Variants in MAF observed in about 807,000 individuals in gnomAD.
The protein encoded by MAF is MAF bZIP transcription factor.
In MAF, 10 loss-of-function variants were observed where a neutral mutation model predicts 22.0. That is an observed-to-expected ratio of 0.45 (90% CI 0.28 to 0.77). The LOEUF (loss-of-function observed/expected upper bound fraction) is 0.77, where lower values mean the gene tolerates loss of function less well. Ranked by LOEUF, MAF falls within the 30% of genes least tolerant of loss-of-function variation. The probability of loss-of-function intolerance (pLI) is 0.12; values close to 1 mark genes in which losing one functional copy is unlikely to be tolerated. For synonymous variants in MAF, 337 were observed against 255.8 expected (o/e 1.32, Z -3.03); for missense variants, 544 against 548.4 (o/e 0.99, Z 0.08).
At chr16:79,267,596 G>T in the MAF span, among the ~76,000 whole-genome samples, 1 of 152,022 alleles carries the variant, frequency 6.6e-6, no homozygotes, top group African/African-American at 2.4e-5. Flanking sequence ...ACAGTGCAGA[G>T]GCACTACCTC....
chr16:79,381,105 T>C, the MAF span, among the ~76,000 whole-genome samples: 1 of 152,228 alleles, frequency 6.6e-6, no homozygotes, highest in Non-Finnish European at 1.5e-5. Context: ...CACGCTAACC[T>C]TTGCATTCAT....
At chr16:79,503,991 A>G in the MAF span, among the ~76,000 whole-genome samples, 1 of 152,188 alleles carries the variant, frequency 6.6e-6, no homozygotes, top group Non-Finnish European at 1.5e-5. Context: ...GTTACATTGC[A>G]GGGGCTCAGT....
the MAF span, among the ~76,000 whole-genome samples, chr16:79,362,432 G>C: frequency 6.6e-6 from 1 of 152,136 alleles, no homozygotes; most frequent in African/African-American, 2.4e-5. Context: ...TGTTGTTGCT[G>C]AGAAGGTTAA....
the MAF span, among the ~76,000 whole-genome samples, chr16:79,361,254 T>G: frequency 2.0e-5 from 3 of 152,168 alleles, no homozygotes; most frequent in Non-Finnish European, 2.9e-5. Flanking sequence ...CCACATGGGT[T>G]GTCATTTAAC....
chr16:79,245,047 A>G, the MAF span, among the ~76,000 whole-genome samples: 2 of 151,990 alleles, frequency 1.3e-5, no homozygotes, highest in African/African-American at 4.8e-5. Flanking sequence ...CCTTCCTTAC[A>G]CTCTATACAA....
chr16:79,427,371 C>T, the MAF span, among the ~76,000 whole-genome samples: 22 of 152,340 alleles, frequency 1.4e-4, no homozygotes, highest in East Asian at 4.1e-3. Context: ...TATGCTGCTA[C>T]ATCAACAGGG....
the MAF span, among the ~76,000 whole-genome samples, chr16:79,231,139 A>T: frequency 6.6e-6 from 1 of 152,052 alleles, no homozygotes; most frequent in Admixed American, 6.6e-5. Flanking sequence ...GACAGCCACG[A>T]TACTGTCTCC....
the MAF span, among the ~76,000 whole-genome samples, chr16:79,260,841 A>AG: frequency 1.3e-5 from 2 of 152,222 alleles, no homozygotes; most frequent in African/African-American, 4.8e-5. Context: ...ATTAAAAAAA[A>AG]AAAAGTTGAG....
chr16:79,429,988 C>T, the MAF span, among the ~76,000 whole-genome samples: 1 of 152,102 alleles, frequency 6.6e-6, no homozygotes, highest in African/African-American at 2.4e-5. Context: ...TAGATCCTAC[C>T]GACATCTTCT....
the MAF span, among the ~76,000 whole-genome samples, chr16:79,565,561 C>T: frequency 2.6e-5 from 4 of 151,988 alleles, no homozygotes; most frequent in East Asian, 1.9e-4. Flanking sequence ...TACCTCCATG[C>T]TGTTCTTGTG....
chr16:79,225,737 T>G, the MAF span, among the ~76,000 whole-genome samples: 1,478 of 152,254 alleles, frequency 9.7e-3, 8 homozygotes, highest in South Asian at 0.034. Flanking sequence ...CAGACACTTC[T>G]CAAAAGAAGA....
chr16:79,230,456 G>A, the MAF span, among the ~76,000 whole-genome samples: 7 of 152,160 alleles, frequency 4.6e-5, no homozygotes, highest in African/African-American at 1.2e-4. Context: ...GCCCTTGCCC[G>A]GGTGGGCGGT....
At chr16:79,479,776 G>A in the MAF span, among the ~76,000 whole-genome samples, 2 of 152,206 alleles carry the variant, frequency 1.3e-5, no homozygotes, top group Admixed American at 1.3e-4. Flanking sequence ...CTATATCCAT[G>A]CTTTAATTCT....
the MAF span, among the ~76,000 whole-genome samples, chr16:79,265,699 T>C: frequency 6.6e-6 from 1 of 152,242 alleles, no homozygotes; most frequent in South Asian, 2.1e-4. Context: ...CCACAGATCT[T>C]AGCAATCTCA....
the MAF span, among the ~76,000 whole-genome samples, chr16:79,322,789 G>A: frequency 6.6e-6 from 1 of 152,098 alleles, no homozygotes; most frequent in Middle Eastern, 3.4e-3. Context: ...AAAGGAGTAG[G>A]AATGTCACCC....
At chr16:79,483,340 G>GA in the MAF span, among the ~76,000 whole-genome samples, 2 of 143,734 alleles carry the variant, frequency 1.4e-5, no homozygotes, top group East Asian at 4.2e-4. Context: ...AGGAAATAGG[G>GA]ATACAATGGC....
chr16:79,544,592 G>T, the MAF span, among the ~76,000 whole-genome samples: 1 of 151,958 alleles, frequency 6.6e-6, no homozygotes, highest in Non-Finnish European at 1.5e-5. Flanking sequence ...GGATAACATG[G>T]TGAAACCCCG....
chr16:79,490,201 G>A, the MAF span, among the ~76,000 whole-genome samples: 1 of 152,218 alleles, frequency 6.6e-6, no homozygotes, highest in African/African-American at 2.4e-5. Context: ...TGATTCTGCA[G>A]GTGATCTGCC....
At chr16:79,463,098 G>T in the MAF span, among the ~76,000 whole-genome samples, 6,672 of 152,260 alleles carry the variant, frequency 0.044, 156 homozygotes, top group South Asian at 0.054. Context: ...AAACCCAGCC[G>T]AGGCAGAAGG....
Sources: gnomAD v4.1 joint callset for allele counts (sites outside exome capture counted in the v4.1 genomes callset) on GRCh38, gnomAD v4.1.1 for gene constraint, MANE v1.5 for transcripts, NCBI Gene and HGNC (gene_info 2026-07-23, HGNC 2026-07-21) for gene names.